Variants in ANO2 observed in about 807,000 individuals in gnomAD.
ANO2 encodes the protein anoctamin-2.
Under a neutral mutation model 124.2 loss-of-function variants are expected in ANO2, and 101 were observed. The observed-to-expected ratio is 0.81, with a 90% confidence interval of 0.69 to 0.96. The LOEUF is 0.96. ANO2 is among the 40% of genes least tolerant of loss of function. The pLI, the probability that ANO2 is intolerant of heterozygous loss-of-function variation, is 0.00. For synonymous variants in ANO2, 486 were observed against 482.5 expected, an observed-to-expected ratio of 1.01 and a Z score of -0.09; for missense variants, 1,293 against 1,274.5, an observed-to-expected ratio of 1.01 and a Z score of -0.22.
Position 5,923,172 on chromosome 12 carries a change from A to ACG in ANO2, c.23-370_23-369dup, listed in dbSNP as rs1348020913. Among the ~76,000 whole-genome samples, 32 of 40,858 alleles carry ACG rather than the reference A, an allele frequency of 7.8e-4. 5 individuals are homozygous for ACG. Among genetic ancestry groups the ACG allele is most frequent in the African/African-American group, 2.5e-3 (29 of 11,662 alleles). The allele number at this position is 40,858 out of a possible 152,430, so 26.8% of individuals were successfully genotyped here. A position where few individuals can be genotyped will look rare whatever the true frequency, so the allele number is the denominator to read the frequency against. On this transcript the variant is annotated intron_variant, in intron 1 of 24. Transcript: ENST00000682330. The stretch of plus-strand genomic sequence containing the variant: ...CACATACACACACGCATACACACAC[A>ACG]CGCACACACACATACACACACACGC...
intron 15 of ANO2, among the ~76,000 whole-genome samples, chr12:5,638,628 A>T (rs1946168736): frequency 1.3e-5 from 2 of 151,714 alleles, no homozygotes; most frequent in South Asian, 4.2e-4. Flanking sequence ...GTTTGTGGTC[A>T]ATCTCTTCCA....
At chr12:5,945,293 T>C, upstream of ANO2, 1 of 1,222,562 alleles carries the variant, frequency 8.2e-7, no homozygotes, top group South Asian at 1.4e-5. Context: ...GCTAATTCCA[T>C]CGCGGCTCAG....
chr12:5,752,984 A>C (rs774839601), intron 10 of ANO2, among the ~76,000 whole-genome samples: 13 of 152,318 alleles, frequency 8.5e-5, no homozygotes, highest in African/African-American at 1.9e-4. Flanking sequence ...TGAACAGTTT[A>C]ACAATATTGA....
At chr12:5,835,912 G>A (rs1309766150) in intron 4 of ANO2, among the ~76,000 whole-genome samples, 1 of 152,180 alleles carries the variant, frequency 6.6e-6, no homozygotes, top group Non-Finnish European at 1.5e-5. Context: ...AGGCCATTCA[G>A]TGCAGGTTCT....
intron 10 of ANO2, among the ~76,000 whole-genome samples, chr12:5,780,093 C>T (rs545134000): frequency 6.6e-6 from 1 of 152,260 alleles, no homozygotes; most frequent in Non-Finnish European, 1.5e-5. Flanking sequence ...TTAGAAAATA[C>T]ACACATATAT....
intron 1 of ANO2, among the ~76,000 whole-genome samples, chr12:5,937,253 T>C (rs75584385): frequency 6.6e-6 from 1 of 152,360 alleles, no homozygotes; most frequent in East Asian, 1.9e-4. Flanking sequence ...TTAGCTATCC[T>C]AACAGGTATG....
chr12:5,646,574 A>G (rs1319154564), intron 15 of ANO2, among the ~76,000 whole-genome samples: 1 of 152,160 alleles, frequency 6.6e-6, no homozygotes, highest in Non-Finnish European at 1.5e-5. Context: ...ATATTGAATG[A>G]ATGAATAAAC....
At chr12:5,657,580 T>C (rs1947222142) in intron 14 of ANO2, among the ~76,000 whole-genome samples, 1 of 151,712 alleles carries the variant, frequency 6.6e-6, no homozygotes, top group Admixed American at 6.6e-5. Context: ...TTGAGGGCCC[T>C]TGGGACATTG....
intron 10 of ANO2, among the ~76,000 whole-genome samples, chr12:5,759,411 C>A (rs1951675100): frequency 6.6e-6 from 1 of 151,916 alleles, no homozygotes; most frequent in African/African-American, 2.4e-5. Context: ...AATAAAGTGA[C>A]ACCTTAGAGC....
At chr12:5,786,800 C>G (rs572269513) in intron 10 of ANO2, among the ~76,000 whole-genome samples, 5 of 152,286 alleles carry the variant, frequency 3.3e-5, no homozygotes, top group African/African-American at 1.2e-4. Context: ...GGATTTGGGG[C>G]AAGTGACTTG....
rs569385799 is a variant in ANO2 at position 5,764,666 on chromosome 12, C to A, written c.1056-13696G>T. ...CATATGGCTACCCATCCATTACCAA[C>A]ACCACCACTGCCATCACCATTCGCC... On this transcript the variant is annotated intron_variant, in intron 10 of 24. Transcript: ENST00000682330. Among the ~76,000 whole-genome samples the A allele has an allele frequency of 2.0e-5, 3 of 152,344 alleles. No homozygotes were observed. The East Asian group carries it at 5.8e-4, about 29-fold the overall frequency.
At chr12:5,843,324 C>T (rs766290429) in intron 4 of ANO2, among the ~76,000 whole-genome samples, 4 of 152,086 alleles carry the variant, frequency 2.6e-5, no homozygotes, top group South Asian at 2.1e-4. Flanking sequence ...CCAAGGTGGG[C>T]GGATCACTTG....
chr12:5,791,244 T>C (rs979374170), intron 10 of ANO2, among the ~76,000 whole-genome samples: 1 of 151,698 alleles, frequency 6.6e-6, no homozygotes, highest in African/African-American at 2.4e-5. Flanking sequence ...AGCTACTCAG[T>C]TGACAAAAGC....
At chr12:5,565,072 A>G (rs1394295736) in intron 24 of ANO2, among the ~76,000 whole-genome samples, 3 of 152,186 alleles carry the variant, frequency 2.0e-5, no homozygotes, top group East Asian at 3.9e-4. Flanking sequence ...TCATTCAGGG[A>G]TGGCTCGATG....
At chr12:5,876,523 A>T (rs552415251) in intron 3 of ANO2, among the ~76,000 whole-genome samples, 1 of 152,220 alleles carries the variant, frequency 6.6e-6, no homozygotes, top group African/African-American at 2.4e-5. Context: ...ATAAAGACAC[A>T]TGTACTTTTA....
At chr12:5,793,862 T>C (rs1398895133) in intron 10 of ANO2, among the ~76,000 whole-genome samples, 1 of 152,136 alleles carries the variant, frequency 6.6e-6, no homozygotes, top group Non-Finnish European at 1.5e-5. Context: ...TTTCCATTGG[T>C]CAACCACAAG....
chr12:5,908,012 G>A lies in ANO2; in HGVS notation c.534+13028C>T, dbSNP rs1232760253. Among the ~76,000 whole-genome samples, 4 of 152,250 alleles carry A rather than the reference G, an allele frequency of 2.6e-5. No homozygotes were observed. Among genetic ancestry groups the A allele is most frequent in the Admixed American group, 1.3e-4 (2 of 15,280 alleles). ...AACCTCCCCAACTCCACAATGCACC[G>A]TGAGAGCAGTACATAGCAACACACA... On this transcript the variant is annotated intron_variant, in intron 3 of 24. Transcript: ENST00000682330. The surrounding 1 kb of genome is among the most constrained non-coding windows in gnomAD (Gnocchi z 4.7).
At chr12:5,641,380 T>C (rs1946385669) in intron 15 of ANO2, among the ~76,000 whole-genome samples, 1 of 151,294 alleles carries the variant, frequency 6.6e-6, no homozygotes, top group African/African-American at 2.4e-5. Context: ...TAACAAAAAA[T>C]TAAAAATTAA....
chr12:5,627,486 G>A (rs10774349), intron 16 of ANO2, among the ~76,000 whole-genome samples: 79,392 of 152,096 alleles, frequency 0.52, 24,341 homozygotes, highest in Non-Finnish European at 0.67. Flanking sequence ...CCCATGTCCT[G>A]TGCTGGACTC....
Sources: gnomAD v4.1 joint callset for allele counts (sites outside exome capture counted in the v4.1 genomes callset) on GRCh38, gnomAD v4.1.1 for gene constraint, Gnocchi (gnomAD v3.1) non-coding constraint, MANE v1.5 for transcripts, NCBI Gene and HGNC (gene_info 2026-07-23, HGNC 2026-07-21) for gene names.